Variants in MB21D2 observed in about 807,000 individuals in gnomAD.
The protein encoded by MB21D2 is Mab-21 domain containing 2, also known as nucleotidyltransferase MB21D2.
Under a neutral mutation model 33.3 loss-of-function variants are expected in MB21D2, and 9 were observed. That is an observed-to-expected ratio of 0.27 (90% confidence interval 0.16 to 0.47). The LOEUF (loss-of-function observed/expected upper bound fraction) is 0.47. Among genes scored for constraint, MB21D2 ranks in the 20% least tolerant of loss-of-function variants. The pLI is 0.99. For missense variants in MB21D2, 540 were observed against 624.6 expected, an observed-to-expected ratio of 0.86 and a Z score of 1.44; for synonymous variants, 241 against 236.3, an observed-to-expected ratio of 1.02 and a Z score of -0.18.
At position 192,807,510 on chromosome 3, in the gene MB21D2, C is replaced by A. The variant is rs570432520; in HGVS notation, c.212-7860G>T. On this transcript the variant is annotated intron_variant, in intron 1 of 1. Coordinates refer to ENST00000392452, the MANE Select transcript of MB21D2 (RefSeq NM_178496.4). Reference sequence around the variant, plus strand: ...ACTGTACCCCATCACTGACCCTTTGCCCAGGACCCAGCTGGGTCCGGTTTC... The same window carrying A: ...ACTGTACCCCATCACTGACCCTTTGACCAGGACCCAGCTGGGTCCGGTTTC... Among the ~76,000 whole-genome samples, 52 of 152,206 alleles carry A rather than the reference C, an allele frequency of 3.4e-4. No homozygotes were observed. The South Asian group carries it at 0.011, about 32-fold the overall frequency.
intron 1 of MB21D2, among the ~76,000 whole-genome samples, chr3:192,916,624 T>G (rs1336760822): frequency 6.6e-6 from 1 of 152,158 alleles, no homozygotes; most frequent in African/African-American, 2.4e-5. Context: ...AGCCGCAAGT[T>G]ACAACCCAGG....
In MB21D2 at chr3:192,868,917, T is replaced by C. The variant is rs892954420; in HGVS notation, c.211+48713A>G. Among the ~76,000 whole-genome samples, 4 of 152,196 alleles carry C rather than the reference T, an allele frequency of 2.6e-5. No homozygotes were observed. The East Asian group carries it at 5.8e-4, about 22-fold the overall frequency. On this transcript the variant is annotated intron_variant, in intron 1 of 1. Transcript: ENST00000392452. ...AATGAAATGCTAAGTTTGGGGACTA[T>C]GCTACTAACCGGAACTATGTCCATG...
chr3:192,866,339 CTT>C (rs534947438), intron 1 of MB21D2, among the ~76,000 whole-genome samples: 227 of 152,264 alleles, frequency 1.5e-3, no homozygotes, highest in South Asian at 0.014. Flanking sequence ...GGCAAAGTCT[CTT>C]TAATTTGCTG....
chr3:192,887,580 G>T (rs927068533), intron 1 of MB21D2, among the ~76,000 whole-genome samples: 2 of 152,030 alleles, frequency 1.3e-5, no homozygotes, highest in African/African-American at 4.8e-5. Context: ...AATCCACGGT[G>T]GGGTAGAGGT....
chr3:192,913,174 T>C (rs140882150), intron 1 of MB21D2, among the ~76,000 whole-genome samples: 28 of 152,292 alleles, frequency 1.8e-4, no homozygotes, highest in Non-Finnish European at 2.8e-4. Context: ...AGCAGGAGGA[T>C]TGCTTGAACT....
chr3:192,915,584 C>G (rs1182594539), intron 1 of MB21D2, among the ~76,000 whole-genome samples: 1 of 152,124 alleles, frequency 6.6e-6, no homozygotes, highest in African/African-American at 2.4e-5. Context: ...TCCCAGGGGG[C>G]AAGAAAGACT....
intron 1 of MB21D2, among the ~76,000 whole-genome samples, chr3:192,914,796 A>G (rs1162837225): frequency 6.6e-6 from 1 of 152,074 alleles, no homozygotes; most frequent in African/African-American, 2.4e-5. Flanking sequence ...GCTCAGATCA[A>G]CCCCACAGCC....
At chr3:192,898,440 A>C (rs1433598747) in intron 1 of MB21D2, among the ~76,000 whole-genome samples, 1 of 152,204 alleles carries the variant, frequency 6.6e-6, no homozygotes. Context: ...TGTCAGTCTT[A>C]TAATTTCATG....
chr3:192,906,744 T>C (rs1714223853), intron 1 of MB21D2, among the ~76,000 whole-genome samples: 1 of 152,246 alleles, frequency 6.6e-6, no homozygotes, highest in Non-Finnish European at 1.5e-5. Context: ...ATGGAGGTAG[T>C]GGTCTTGGTT....
intron 1 of MB21D2, among the ~76,000 whole-genome samples, chr3:192,876,924 T>A (rs1713443922): frequency 6.6e-6 from 1 of 152,172 alleles, no homozygotes; most frequent in South Asian, 2.1e-4. Context: ...ATACCCAGAA[T>A]TCTAATAGTC....
rs371162252 is a variant in MB21D2 at position 192,884,521 on chromosome 3, C to T, written c.211+33109G>A. On this transcript the variant is annotated intron_variant, in intron 1 of 1. Coordinates refer to ENST00000392452, the MANE Select transcript of MB21D2 (RefSeq NM_178496.4). ...AGCTGGGACTACAGGCGCCCGCCACCACGCCCGGCTAATTTTTTGTATTTT... is the reference window on the plus strand; with the variant it reads ...AGCTGGGACTACAGGCGCCCGCCACTACGCCCGGCTAATTTTTTGTATTTT... Among the ~76,000 whole-genome samples, 41 of 128,282 alleles carry T rather than the reference C, an allele frequency of 3.2e-4. No individual in the cohort carries two copies. The East Asian group carries it at 7.7e-3, about 24-fold the overall frequency. The allele number at this position is 128,282 out of a possible 152,430, so 84.2% of individuals were successfully genotyped here. A position where few individuals can be genotyped will look rare whatever the true frequency, so the allele number is the denominator to read the frequency against.
At chr3:192,832,361 G>C (rs1200039826) in intron 1 of MB21D2, among the ~76,000 whole-genome samples, 1 of 152,110 alleles carries the variant, frequency 6.6e-6, no homozygotes, top group African/African-American at 2.4e-5. Flanking sequence ...CTAAGTGAAA[G>C]ATTTTACTGA....
chr3:192,891,167 T>C (rs1347897536), intron 1 of MB21D2, among the ~76,000 whole-genome samples: 1 of 152,182 alleles, frequency 6.6e-6, no homozygotes, highest in African/African-American at 2.4e-5. Context: ...AGGTGTATTA[T>C]GCAATTTTTC....
intron 1 of MB21D2, among the ~76,000 whole-genome samples, chr3:192,891,048 G>A (rs1288366768): frequency 6.6e-6 from 1 of 152,116 alleles, no homozygotes; most frequent in Admixed American, 6.5e-5. Context: ...CCACGCAGGG[G>A]GAGACTTATT....
chr3:192,849,995 G>C (rs941572775), intron 1 of MB21D2, among the ~76,000 whole-genome samples: 10 of 150,160 alleles, frequency 6.7e-5, no homozygotes, highest in Admixed American at 5.3e-4. Flanking sequence ...CTTGGCTCAC[G>C]GCAACCTTTG....
chr3:192,824,936 A>G (rs756106653), intron 1 of MB21D2, among the ~76,000 whole-genome samples: 3 of 152,132 alleles, frequency 2.0e-5, no homozygotes, highest in African/African-American at 4.8e-5. Flanking sequence ...CTTCCTCTCA[A>G]TCTTTACCTT....
At chr3:192,916,107 T>C (rs1714460248) in intron 1 of MB21D2, among the ~76,000 whole-genome samples, 1 of 148,496 alleles carries the variant, frequency 6.7e-6, no homozygotes, top group African/African-American at 2.5e-5. Flanking sequence ...TTTATATATA[T>C]ATATATATAT....
At position 192,868,199 on chromosome 3, in the gene MB21D2, G is replaced by A. The variant is rs994489821; in HGVS notation, c.211+49431C>T. ...TCTGTGATCTTCATGTGTGCCAGTG[G>A]TCCTCCAGCTCTTAGCCCATCCTCA... On this transcript the variant is annotated intron_variant, in intron 1 of 1. Transcript: ENST00000392452. 4.6e-5 allele frequency among the ~76,000 whole-genome samples: 7 copies of A among 152,192 alleles called. No individual in the cohort carries two copies. The East Asian group carries it at 7.7e-4, about 17-fold the overall frequency.
intron 1 of MB21D2, among the ~76,000 whole-genome samples, chr3:192,847,109 G>C (rs1451615365): frequency 6.6e-6 from 1 of 152,052 alleles, no homozygotes. Context: ...CAGGTCAAGG[G>C]AGCTGTAAGG....
Sources: allele counts gnomAD v4.1 joint callset (sites outside exome capture counted in the v4.1 genomes callset), GRCh38; gene constraint gnomAD v4.1.1; transcripts MANE v1.5; gene names NCBI Gene and HGNC (gene_info 2026-07-23, HGNC 2026-07-21).